Variants in CCDC7 observed in about 807,000 individuals in gnomAD.
The protein encoded by CCDC7 is coiled-coil domain-containing protein 7.
A neutral mutation model predicts 196.9 loss-of-function variants in CCDC7; 183 were observed. That is an observed-to-expected ratio of 0.93 (90% CI 0.82 to 1.05). The LOEUF is 1.05. Ranked by LOEUF, CCDC7 falls within the 50% of genes least tolerant of loss-of-function variation. The pLI is 0.00. For missense variants in CCDC7, 1,540 were observed against 1,482.2 expected (o/e 1.04, Z -0.64); for synonymous variants, 525 against 484.6 (o/e 1.08, Z -1.10).
chr10:32,679,931 G>C (rs1038418702), intron 21 of CCDC7, among the ~76,000 whole-genome samples: 3 of 152,196 alleles, frequency 2.0e-5, no homozygotes, highest in African/African-American at 7.2e-5. Flanking sequence ...TGTGCAGTGT[G>C]AATTGTTACG....
intron 41 of CCDC7, among the ~76,000 whole-genome samples, chr10:32,873,268 G>A (rs552950209): frequency 5.9e-5 from 9 of 151,366 alleles, no homozygotes; most frequent in East Asian, 1.9e-4. Context: ...AACTCTTCTC[G>A]CTTCTTTTTA....
At chr10:32,635,591 C>G (rs1490638781) in intron 20 of CCDC7, among the ~76,000 whole-genome samples, 1 of 152,088 alleles carries the variant, frequency 6.6e-6, no homozygotes, top group African/African-American at 2.4e-5. Context: ...TCAAGACCAG[C>G]CTGGGCAATG....
At chr10:32,559,504 T>C (rs2055024456) in intron 13 of CCDC7, among the ~76,000 whole-genome samples, 1 of 152,212 alleles carries the variant, frequency 6.6e-6, no homozygotes, top group Non-Finnish European at 1.5e-5. Context: ...GACAGCAGCA[T>C]TTGCGGTTCA....
At chr10:32,598,174 C>T (rs1035761738) in intron 18 of CCDC7, among the ~76,000 whole-genome samples, 1 of 152,176 alleles carries the variant, frequency 6.6e-6, no homozygotes, top group African/African-American at 2.4e-5. Flanking sequence ...TTCCTGGCGG[C>T]TTTGTTTACC....
intron 24 of CCDC7, among the ~76,000 whole-genome samples, chr10:32,699,769 C>T (rs1416341080): frequency 6.7e-6 from 1 of 149,472 alleles, no homozygotes; most frequent in East Asian, 1.9e-4. Context: ...GATGGTATCT[C>T]ATTGTGGTTT....
At chr10:32,839,266 A>T (rs1280486773) in intron 33 of CCDC7, among the ~76,000 whole-genome samples, 1 of 151,896 alleles carries the variant, frequency 6.6e-6, no homozygotes, top group African/African-American at 2.4e-5. Context: ...TCTTCAGGAG[A>T]CTCAGCACAT....
intron 24 of CCDC7, among the ~76,000 whole-genome samples, chr10:32,704,223 C>T (rs2079288986): frequency 6.6e-6 from 1 of 152,020 alleles, no homozygotes; most frequent in Admixed American, 6.5e-5. Context: ...AGTTTTCCTT[C>T]CACAGTCAGG....
chr10:32,507,274 A>G (rs2045345402), intron 9 of CCDC7, among the ~76,000 whole-genome samples: 1 of 152,008 alleles, frequency 6.6e-6, no homozygotes. Context: ...TACAGGCATG[A>G]GCCACCGCGC....
chr10:32,544,309 A>G lies in CCDC7; in HGVS notation c.1134+8A>G. The G allele has an allele frequency of 6.2e-7, 1 of 1,607,358 alleles. No homozygotes were observed. The highest frequency in any genetic ancestry group is 8.5e-7 in the Non-Finnish European group (1 of 1,176,804). ...GATTTGGATCAAGTACAGGTAACAC[A>G]CCCACTCTCTCTATGCATCAATATT... On this transcript the variant is annotated splice_region_variant and intron_variant, in intron 13 of 41. Coordinates refer to ENST00000639629, the Ensembl canonical transcript of CCDC7.
chr10:32,613,661 T>C (rs930790077), intron 18 of CCDC7, among the ~76,000 whole-genome samples: 3 of 152,200 alleles, frequency 2.0e-5, no homozygotes, highest in African/African-American at 7.2e-5. Context: ...TGCCTTAATT[T>C]TGTTATTTAC....
intron 29 of CCDC7, among the ~76,000 whole-genome samples, chr10:32,789,403 A>C (rs1331733857): frequency 1.3e-5 from 2 of 152,112 alleles, no homozygotes; most frequent in African/African-American, 4.8e-5. Context: ...ATACAAAAGA[A>C]CCAGACAGAA....
At chr10:32,861,731 A>ACAAAC (rs139143499) in intron 41 of CCDC7, among the ~76,000 whole-genome samples, 1 of 151,926 alleles carries the variant, frequency 6.6e-6, no homozygotes, top group Non-Finnish European at 1.5e-5. Context: ...CAAGAAAAAA[A>ACAAAC]AATCCCATCA....
intron 14 of CCDC7, 131 bp downstream of exon 15, chr10:32,565,751 CTATA>C (rs1438698157): frequency 1.9e-5 from 17 of 904,476 alleles, no homozygotes; most frequent in Non-Finnish European, 2.5e-5. Context: ...TAGGTTTAAA[CTATA>C]TTCATTTTAT....
At chr10:32,637,311 A>C (rs1334145452) in intron 20 of CCDC7, among the ~76,000 whole-genome samples, 1 of 152,182 alleles carries the variant, frequency 6.6e-6, no homozygotes, top group Non-Finnish European at 1.5e-5. Flanking sequence ...GCCCATGCCT[A>C]TGTCCTGAAT....
At chr10:32,588,594 A>G (rs988036564) in intron 18 of CCDC7, among the ~76,000 whole-genome samples, 2 of 152,180 alleles carry the variant, frequency 1.3e-5, no homozygotes, top group Admixed American at 6.5e-5. Context: ...CATCTGTATC[A>G]TAAGGATACT....
At position 32,797,244 on chromosome 10, in the gene CCDC7, C is replaced by T. The variant is rs967130632; in HGVS notation, c.3014-7771C>T. ...ACACATATATATGTGTATATATATGCGTATATATATGTGTGTATATATATG... is the reference window on the plus strand; with the variant it reads ...ACACATATATATGTGTATATATATGTGTATATATATGTGTGTATATATATG... On this transcript the variant is annotated intron_variant, in intron 29 of 41. Transcript: ENST00000639629. Among the ~76,000 whole-genome samples the T allele has an allele frequency of 1.2e-4, 18 of 148,074 alleles. No individual in the cohort carries two copies. The Middle Eastern group carries it at 0.011, about 90-fold the overall frequency.
chr10:32,561,854 A>G (rs1166546612), intron 13 of CCDC7, among the ~76,000 whole-genome samples: 1 of 152,222 alleles, frequency 6.6e-6, no homozygotes, highest in Non-Finnish European at 1.5e-5. Context: ...AAATTAGTGA[A>G]TCCAGGAGCT....
At chr10:32,863,699 T>A (rs887728317) in intron 41 of CCDC7, among the ~76,000 whole-genome samples, 1 of 151,796 alleles carries the variant, frequency 6.6e-6, no homozygotes, top group Admixed American at 6.6e-5. Context: ...GATTTCTATA[T>A]GCAAAAAATA....
intron 32 of CCDC7, among the ~76,000 whole-genome samples, chr10:32,834,003 A>G (rs992717262): frequency 4.6e-5 from 7 of 152,112 alleles, no homozygotes; most frequent in Admixed American, 4.6e-4. Flanking sequence ...TTGATTTTTA[A>G]TATGAATTCC....
Sources: gnomAD v4.1 joint callset for allele counts (sites outside exome capture counted in the v4.1 genomes callset) on GRCh38, gnomAD v4.1.1 for gene constraint, MANE v1.5 for transcripts, NCBI Gene and HGNC (gene_info 2026-07-23, HGNC 2026-07-21) for gene names.